Variants in XRCC4 observed in about 807,000 individuals in gnomAD.
XRCC4 encodes DNA repair protein XRCC4.
In XRCC4, 28 loss-of-function variants were observed where a neutral mutation model predicts 39.1. That is an observed-to-expected ratio of 0.72 (90% CI 0.53 to 0.98). The LOEUF (loss-of-function observed/expected upper bound fraction) is 0.98, where lower values mean the gene tolerates loss of function less well. XRCC4 is among the 50% of genes least tolerant of loss of function. The pLI is 0.00. For missense variants in XRCC4, 350 were observed against 376.4 expected, an observed-to-expected ratio of 0.93 and a Z score of 0.58; for synonymous variants, 123 against 126.4, an observed-to-expected ratio of 0.97 and a Z score of 0.18.
At chr5:83,200,101 A>G (rs543383532) in intron 4 of XRCC4, among the ~76,000 whole-genome samples, 1 of 152,294 alleles carries the variant, frequency 6.6e-6, no homozygotes, top group East Asian at 1.9e-4. Context: ...GGAAGCACGT[A>G]ATGGAATGCA....
chr5:83,160,838 A>T (rs1273072313), intron 3 of XRCC4, among the ~76,000 whole-genome samples: 1 of 150,942 alleles, frequency 6.6e-6, no homozygotes, highest in East Asian at 2.0e-4. Context: ...TAAGCTTTTC[A>T]CACTTAAGGA....
At chr5:83,265,694 T>A (rs575308400) in intron 7 of XRCC4, among the ~76,000 whole-genome samples, 4 of 152,200 alleles carry the variant, frequency 2.6e-5, no homozygotes, top group African/African-American at 9.6e-5. Flanking sequence ...AAACTTTTTT[T>A]TAATGTATTC....
At chr5:83,268,079 G>A (rs898868644) in intron 7 of XRCC4, among the ~76,000 whole-genome samples, 9 of 152,158 alleles carry the variant, frequency 5.9e-5, no homozygotes, top group Admixed American at 6.5e-5. Flanking sequence ...GAAAGTTTAC[G>A]GGTTGGCAGT....
At chr5:83,255,381 A>G (rs1333441343) in intron 6 of XRCC4, among the ~76,000 whole-genome samples, 4 of 152,218 alleles carry the variant, frequency 2.6e-5, no homozygotes, top group African/African-American at 9.6e-5. Context: ...AAAAAGATGT[A>G]TTCCATTTAA....
intron 3 of XRCC4, among the ~76,000 whole-genome samples, chr5:83,112,041 T>C (rs1341139788): frequency 3.9e-5 from 6 of 152,200 alleles, no homozygotes; most frequent in Admixed American, 3.9e-4. Flanking sequence ...TTTCATTAAT[T>C]AGATAAACAT....
chr5:83,210,735 T>C (rs1751611408), intron 6 of XRCC4, among the ~76,000 whole-genome samples: 1 of 152,182 alleles, frequency 6.6e-6, no homozygotes, highest in Non-Finnish European at 1.5e-5. Flanking sequence ...CGTCATCAGA[T>C]TGAACAAGTA....
chr5:83,264,967 G>A (rs531011015), intron 7 of XRCC4, among the ~76,000 whole-genome samples: 185 of 152,158 alleles, frequency 1.2e-3, no homozygotes, highest in African/African-American at 4.3e-3. Flanking sequence ...TGCCTTTTGA[G>A]TTTTTTGTTG....
intron 3 of XRCC4, among the ~76,000 whole-genome samples, chr5:83,168,920 AAG>A (rs1278084562): frequency 1.3e-5 from 2 of 152,166 alleles, no homozygotes; most frequent in Non-Finnish European, 2.9e-5. Flanking sequence ...TGATCTAAGA[AAG>A]AGGGTGTATA....
intron 3 of XRCC4, among the ~76,000 whole-genome samples, chr5:83,144,550 CCA>C (rs1445518661): frequency 0.024 from 548 of 22,584 alleles, no homozygotes; most frequent in African/African-American, 0.042. Flanking sequence ...TTGTGTCTCC[CCA>C]CCCCCCCCCC....
chr5:83,114,365 A>C (rs1018700760), intron 3 of XRCC4, among the ~76,000 whole-genome samples: 1 of 152,132 alleles, frequency 6.6e-6, no homozygotes, highest in Non-Finnish European at 1.5e-5. Flanking sequence ...TCAGGCTGCA[A>C]ATTTTCCAAA....
intron 1 of XRCC4, among the ~76,000 whole-genome samples, chr5:83,087,161 A>G (rs1347351346): frequency 6.6e-6 from 1 of 151,888 alleles, no homozygotes. Context: ...TACCAAAAAT[A>G]CAAAAATTAG....
At position 83,245,356 on chromosome 5, in the gene XRCC4, G is replaced by A. The variant is rs957122699; in HGVS notation, c.746-13174G>A. 2.0e-5 allele frequency among the ~76,000 whole-genome samples: 3 copies of A among 152,038 alleles called. No homozygotes were observed. In the South Asian group the frequency reaches 6.2e-4, roughly 32 times the overall value. On this transcript the variant is annotated intron_variant, in intron 6 of 7. Transcript: ENST00000396027. Reference sequence around the variant, plus strand: ...GTGTAGACTTGGAGAAAGGAGTCTAGGAAGTGAGTTATATGACCTTATTGA... The same window carrying A: ...GTGTAGACTTGGAGAAAGGAGTCTAAGAAGTGAGTTATATGACCTTATTGA...
At chr5:83,153,598 C>G (rs994670871) in intron 3 of XRCC4, among the ~76,000 whole-genome samples, 1 of 152,126 alleles carries the variant, frequency 6.6e-6, no homozygotes, top group Non-Finnish European at 1.5e-5. Context: ...TGCGCACCTT[C>G]CTATCAGAAT....
chr5:83,306,153 G>A (rs1755476212), intron 7 of XRCC4, among the ~76,000 whole-genome samples: 1 of 152,042 alleles, frequency 6.6e-6, no homozygotes. Context: ...ATAGAAACAT[G>A]TGGTCCTCAT....
chr5:83,280,655 C>T (rs1270896247), intron 7 of XRCC4: 1 of 291,416 alleles, frequency 3.4e-6, no homozygotes, highest in Non-Finnish European at 6.7e-6. Flanking sequence ...ATAGACTCCT[C>T]TCCAGCCCTT....
At chr5:83,335,963 G>T (rs1756582323) in intron 7 of XRCC4, among the ~76,000 whole-genome samples, 3 of 151,932 alleles carry the variant, frequency 2.0e-5, no homozygotes, top group Admixed American at 2.0e-4. Context: ...CCTGCCTTCT[G>T]AACACTTAAT....
the XRCC4 span, among the ~76,000 whole-genome samples, chr5:83,361,423 T>G: frequency 3.9e-4 from 60 of 152,260 alleles, no homozygotes; most frequent in East Asian, 0.011. Flanking sequence ...CTCATTCATG[T>G]TTTGACAACC....
At chr5:83,198,261 A>G (rs767997682) in intron 4 of XRCC4, among the ~76,000 whole-genome samples, 5 of 152,094 alleles carry the variant, frequency 3.3e-5, no homozygotes, top group Non-Finnish European at 7.4e-5. Context: ...CTTCTATACT[A>G]CATATGAAGG....
At chr5:83,366,607 C>T in the XRCC4 span, among the ~76,000 whole-genome samples, 1 of 152,168 alleles carries the variant, frequency 6.6e-6, no homozygotes, top group East Asian at 1.9e-4. Flanking sequence ...AAGCCAAGAG[C>T]TTTACTGTGG....
Sources: gnomAD v4.1 joint callset for allele counts (sites outside exome capture counted in the v4.1 genomes callset) on GRCh38, gnomAD v4.1.1 for gene constraint, MANE v1.5 for transcripts, NCBI Gene and HGNC (gene_info 2026-07-23, HGNC 2026-07-21) for gene names.